DLC1: variants seen among roughly 807,000 people sequenced by gnomAD.
DLC1 encodes the protein rho GTPase-activating protein 7.
A neutral mutation model predicts 140.3 loss-of-function variants in DLC1; 54 were observed. The ratio of observed to expected loss-of-function variants is 0.38; its 90% CI spans 0.31 to 0.48. DLC1 has a LOEUF of 0.48. Ranked by LOEUF, DLC1 falls within the 20% of genes least tolerant of loss-of-function variation. The pLI is 0.96. For synonymous variants in DLC1, 986 were observed against 728.1 expected (o/e 1.35, Z -5.70); for missense variants, 2,536 against 1,907.0 (o/e 1.33, Z -6.14).
intron 4 of DLC1, among the ~76,000 whole-genome samples, chr8:13,351,880 C>A (rs1346123867): frequency 3.5e-5 from 5 of 142,288 alleles, no homozygotes; most frequent in Non-Finnish European, 5.9e-5. Flanking sequence ...AATTAATTGT[C>A]ATGAATATAA....
chr8:13,413,221 T>C (rs534494285), intron 2 of DLC1, among the ~76,000 whole-genome samples: 28 of 145,170 alleles, frequency 1.9e-4, no homozygotes, highest in African/African-American at 7.0e-4. Flanking sequence ...CACAAATTCG[T>C]AAACTTTCTT....
chr8:13,198,311 C>T (rs965525640), intron 5 of DLC1, among the ~76,000 whole-genome samples: 1 of 152,130 alleles, frequency 6.6e-6, no homozygotes, highest in Non-Finnish European at 1.5e-5. Context: ...TTTCATAGTT[C>T]TTCCATTTGT....
At chr8:13,311,467 C>T (rs575716034) in intron 4 of DLC1, among the ~76,000 whole-genome samples, 1 of 152,248 alleles carries the variant, frequency 6.6e-6, no homozygotes, top group South Asian at 2.1e-4. Context: ...CTTCAAGGAA[C>T]AAATATCTAT....
chr8:13,332,001 G>A (rs1040498352), intron 4 of DLC1, among the ~76,000 whole-genome samples: 1 of 152,160 alleles, frequency 6.6e-6, no homozygotes, highest in Non-Finnish European at 1.5e-5. Context: ...ATGTTAGGTT[G>A]ATGTCAGCTT....
chr8:13,472,244 A>G (rs1050962103), intron 2 of DLC1, among the ~76,000 whole-genome samples: 1 of 152,208 alleles, frequency 6.6e-6, no homozygotes, highest in Non-Finnish European at 1.5e-5. Flanking sequence ...GTCTCCTTCC[A>G]GAAGAAAAGA....
intron 2 of DLC1, among the ~76,000 whole-genome samples, chr8:13,405,744 A>G (rs895978688): frequency 4.6e-5 from 7 of 152,032 alleles, no homozygotes; most frequent in Non-Finnish European, 8.8e-5. Flanking sequence ...ATCAATTACT[A>G]CAACATTAAT....
rs1482004734 is a variant in DLC1, at chr8:13,499,784, C to T, written c.288G>A (p.Gln96=). The part of the protein sequence containing the change: ...DENDSHEGED[Q]FLSLEASTET... ...CTGTGCTGGCTTCCAGAGAAAGAAA[C>T]TGATCTTCACCTTCATGGCTGTCAT... Residue 96 remains glutamine (Q), a synonymous_variant, in exon 2 of 18, where the codon CAG becomes CAA. Coordinates refer to ENST00000276297, the MANE Select transcript of DLC1 (RefSeq NM_182643.3). 2.5e-6 allele frequency: 4 copies of T among 1,614,098 alleles called. No homozygotes were observed. Among genetic ancestry groups the T allele is most frequent in the African/African-American group, 1.3e-5 (1 of 75,058 alleles).
At chr8:13,334,810 G>A (rs1284188419) in intron 4 of DLC1, among the ~76,000 whole-genome samples, 4 of 152,216 alleles carry the variant, frequency 2.6e-5, no homozygotes, top group African/African-American at 9.7e-5. Context: ...GATGTCCAAA[G>A]TAGAGATTTA....
In DLC1 at chr8:13,153,887, A is replaced by G. The variant is rs146199465; in HGVS notation, c.1349-38230T>C. Among the ~76,000 whole-genome samples, 1,468 of 152,296 alleles carry G rather than the reference A, an allele frequency of 9.6e-3. 18 individuals carry two copies. Among genetic ancestry groups the G allele is most frequent in the African/African-American group, 0.033 (1,359 of 41,556 alleles). ...TTGGTGTATTTACAGTCCTTTAGCT[A>G]GACATAAAGGTTCTCCAAGTCCCCA... On this transcript the variant is annotated intron_variant, in intron 5 of 17. Coordinates refer to ENST00000276297, the MANE Select transcript of DLC1 (RefSeq NM_182643.3).
In DLC1 at chr8:13,198,453, G is replaced by A. The variant is rs185919242; in HGVS notation, c.1349-82796C>T. On this transcript the variant is annotated intron_variant, in intron 5 of 17. Coordinates refer to ENST00000276297, the MANE Select transcript of DLC1 (RefSeq NM_182643.3). ...AGTCATTTCAGGACAGTTTTCCCGA[G>A]TGAAAGAATGTTTGTTTGTTTTCTT... Among the ~76,000 whole-genome samples, 409 of 152,270 alleles carry A rather than the reference G, an allele frequency of 2.7e-3. 1 individual carries two copies. Among genetic ancestry groups the A allele is most frequent in the Non-Finnish European group, 3.8e-3 (260 of 68,036 alleles).
chr8:13,572,392 T>A (rs1198196893), intron 1 of DLC1, among the ~76,000 whole-genome samples: 3 of 152,320 alleles, frequency 2.0e-5, no homozygotes, highest in African/African-American at 7.2e-5. Context: ...TAGTAAATTC[T>A]TATCAGATAT....
intron 2 of DLC1, among the ~76,000 whole-genome samples, chr8:13,454,624 T>C (rs1431670732): frequency 6.6e-6 from 1 of 152,122 alleles, no homozygotes; most frequent in Non-Finnish European, 1.5e-5. Context: ...GGTGTGATCA[T>C]AGCTTACTGC....
Position 13,468,064 on chromosome 8 carries a change from A to C in DLC1, c.1023+30985T>G, listed in dbSNP as rs1585159245. On this transcript the variant is annotated intron_variant, in intron 2 of 17. Transcript: ENST00000276297. Reference sequence around the variant, plus strand: ...GAAATCGAAAGAATCTGTTTCTTCAAAGATGGTTAAAATTCACTTGTAAAA... The same window carrying C: ...GAAATCGAAAGAATCTGTTTCTTCACAGATGGTTAAAATTCACTTGTAAAA... 3.3e-5 allele frequency among the ~76,000 whole-genome samples: 5 copies of C among 152,266 alleles called. No homozygotes were observed. The East Asian group carries it at 9.7e-4, about 29-fold the overall frequency.
intron 5 of DLC1, among the ~76,000 whole-genome samples, chr8:13,162,515 G>T (rs1041130006): frequency 2.6e-5 from 4 of 152,126 alleles, no homozygotes; most frequent in Non-Finnish European, 4.4e-5. Context: ...TAGAGACGGG[G>T]TTTCACCATG....
chr8:13,232,626 C>G (rs1385958031), intron 5 of DLC1, among the ~76,000 whole-genome samples: 1 of 152,210 alleles, frequency 6.6e-6, no homozygotes, highest in African/African-American at 2.4e-5. Context: ...CCACGGTGCC[C>G]CGCCTCTGCT....
intron 2 of DLC1, among the ~76,000 whole-genome samples, chr8:13,452,253 T>G (rs1799099883): frequency 6.6e-6 from 1 of 151,976 alleles, no homozygotes; most frequent in Non-Finnish European, 1.5e-5. Flanking sequence ...GTATAAAAAC[T>G]AACATTTTTA....
At chr8:13,516,787 T>C (rs1174564150), upstream of DLC1, among the ~76,000 whole-genome samples, 1 of 152,202 alleles carries the variant, frequency 6.6e-6, no homozygotes, top group African/African-American at 2.4e-5. Flanking sequence ...ACAGTATGCC[T>C]ATTTAATCTT....
intron 3 of DLC1, 93 bp downstream of exon 3, chr8:13,401,377 C>A (rs1837288547): frequency 1.4e-6 from 2 of 1,481,082 alleles, no homozygotes; most frequent in Non-Finnish European, 1.8e-6. Flanking sequence ...TTGTTAGATG[C>A]CATTAACAAG....
intron 5 of DLC1, among the ~76,000 whole-genome samples, chr8:13,167,337 T>A (rs1825173772): frequency 6.6e-6 from 1 of 152,170 alleles, no homozygotes; most frequent in Admixed American, 6.5e-5. Context: ...AATCTTCATA[T>A]GAGGGGTTTG....
Sources: gnomAD v4.1 joint callset for allele counts (sites outside exome capture counted in the v4.1 genomes callset) on GRCh38, gnomAD v4.1.1 for gene constraint, MANE v1.5 for transcripts, NCBI Gene and HGNC (gene_info 2026-07-23, HGNC 2026-07-21) for gene names.